The following HEATR5B variants were observed in gnomAD, a reference collection of about 807,000 sequenced individuals.
HEATR5B encodes HEAT repeat-containing protein 5B.
Under a neutral mutation model 224.1 loss-of-function variants are expected in HEATR5B, and 156 were observed. The ratio of observed to expected loss-of-function variants is 0.70; its 90% CI spans 0.61 to 0.80. The LOEUF is 0.80. HEATR5B is among the 30% of genes least tolerant of loss of function. The pLI is 0.00. For missense variants in HEATR5B, 2,323 were observed against 2,535.5 expected (o/e 0.92, Z 1.80); for synonymous variants, 1,027 against 893.0 (o/e 1.15, Z -2.68).
intron 24 of HEATR5B, among the ~76,000 whole-genome samples, chr2:37,023,216 T>C (rs1317490845): frequency 6.6e-6 from 1 of 152,100 alleles, no homozygotes; most frequent in Admixed American, 6.5e-5. Flanking sequence ...ATACTAAAGA[T>C]CAGTGAACTG....
At chr2:37,021,279 G>A (rs1668440471) in intron 24 of HEATR5B, among the ~76,000 whole-genome samples, 2 of 152,192 alleles carry the variant, frequency 1.3e-5, no homozygotes, top group South Asian at 2.1e-4. Flanking sequence ...TTGTTCCCAG[G>A]TAGCTGTAAT....
At chr2:37,037,710 G>A (rs1669586743) in intron 21 of HEATR5B, 145 bp downstream of exon 21, 1 of 414,940 alleles carries the variant, frequency 2.4e-6, no homozygotes, top group East Asian at 3.7e-5. Flanking sequence ...TCACTCTGAT[G>A]TGATTATTAT....
intron 15 of HEATR5B, 105 bp from the exon 16 acceptor site, chr2:37,056,720 C>A (rs1301361809): frequency 1.1e-6 from 1 of 913,496 alleles, no homozygotes; most frequent in Admixed American, 3.4e-5. Context: ...GAAAAGGCAA[C>A]AAAAAAAGAA....
At position 37,008,606 on chromosome 2, in the gene HEATR5B, C is replaced by T. The variant is rs1399374187; in HGVS notation, c.4522+5G>A. Reference sequence around the variant, plus strand: ...TAAAAGTAAAACTCAGAATGTAATACTCACCATCTGGAGGAAGCTGACTAG... The same window carrying T: ...TAAAAGTAAAACTCAGAATGTAATATTCACCATCTGGAGGAAGCTGACTAG... On this transcript the variant is annotated splice_donor_5th_base_variant and intron_variant, in intron 28 of 35. Coordinates refer to ENST00000233099, the MANE Select transcript of HEATR5B (RefSeq NM_019024.3). The T allele has an allele frequency of 6.3e-7, 1 of 1,585,200 alleles. No individual in the cohort carries two copies. The highest frequency in any genetic ancestry group is 8.7e-7 in the Non-Finnish European group (1 of 1,153,668).
chr2:37,013,510 C>T (rs1558731656), intron 27 of HEATR5B, among the ~76,000 whole-genome samples: 2 of 152,108 alleles, frequency 1.3e-5, no homozygotes, highest in Admixed American at 6.5e-5. Context: ...CAAAGCAAGA[C>T]CCTACCTTTA....
chr2:37,025,465 A>T (rs962850925), intron 24 of HEATR5B, among the ~76,000 whole-genome samples: 6 of 148,936 alleles, frequency 4.0e-5, no homozygotes, highest in East Asian at 2.0e-4. Flanking sequence ...AACCAGAATT[A>T]AAAAAAAAAA....
intron 17 of HEATR5B, among the ~76,000 whole-genome samples, chr2:37,050,058 T>C (rs1670441120): frequency 1.3e-5 from 2 of 151,970 alleles, no homozygotes; most frequent in Admixed American, 1.3e-4. Context: ...GCTGGGCTAA[T>C]TTTTAAAAAG....
At chr2:37,037,127 T>A (rs1669530234) in intron 21 of HEATR5B, among the ~76,000 whole-genome samples, 1 of 138,972 alleles carries the variant, frequency 7.2e-6, no homozygotes, top group African/African-American at 2.7e-5. Context: ...AAATTCCGAG[T>A]AGGAAAACTA....
chr2:36,982,474 T>A (rs1282738894), intron 35 of HEATR5B, among the ~76,000 whole-genome samples: 8 of 152,226 alleles, frequency 5.3e-5, no homozygotes, highest in African/African-American at 1.7e-4. Context: ...TGATTTTTTT[T>A]AACAATTAAC....
chr2:37,009,780 CTTTTT>C (rs1333708477), intron 27 of HEATR5B, among the ~76,000 whole-genome samples: 2 of 132,998 alleles, frequency 1.5e-5, no homozygotes, highest in Non-Finnish European at 1.6e-5. Context: ...CCCGCCTCCA[CTTTTT>C]TTTTTTTTTT....
chr2:37,028,600 T>C, intron 23 of HEATR5B, 81 bp downstream of exon 23: 1 of 1,051,562 alleles, frequency 9.5e-7, no homozygotes. Flanking sequence ...TACATGTATG[T>C]ATCTTTATAC....
intron 34 of HEATR5B, 54 bp downstream of exon 34, chr2:36,990,594 T>C (rs1666262039): frequency 7.0e-7 from 1 of 1,424,660 alleles, no homozygotes; most frequent in South Asian, 1.5e-5. Context: ...CAATCTGACA[T>C]TTTCCTGATA....
chr2:37,070,190 G>T, intron 7 of HEATR5B, 40 bp downstream of exon 7: 1 of 1,605,746 alleles, frequency 6.2e-7, no homozygotes, highest in Non-Finnish European at 8.5e-7. Context: ...GTGAGCCACC[G>T]TGCCTGGCCA....
chr2:36,991,286 G>C (rs962268151), intron 33 of HEATR5B, among the ~76,000 whole-genome samples: 34 of 151,914 alleles, frequency 2.2e-4, no homozygotes, highest in Non-Finnish European at 4.0e-4. Context: ...CAGCACTTTG[G>C]GAGGCCGAGG....
chr2:36,992,932 C>T (rs1250443455), intron 33 of HEATR5B, among the ~76,000 whole-genome samples: 1 of 151,876 alleles, frequency 6.6e-6, no homozygotes, highest in East Asian at 1.9e-4. Flanking sequence ...TACCATATTG[C>T]CCAGGAAAGT....
At position 37,056,626 on chromosome 2, in the gene HEATR5B, G is replaced by A. The variant is rs761774679; in HGVS notation, c.2224-11C>T. 2.5e-6 allele frequency: 4 copies of A among 1,572,786 alleles called. No individual in the cohort carries two copies. Among genetic ancestry groups the A allele is most frequent in the East Asian group, 4.6e-5 (2 of 43,572 alleles). On this transcript the variant is annotated splice_polypyrimidine_tract_variant and intron_variant, in intron 15 of 35. Transcript: ENST00000233099. ...ACTGTTTGGCTGGAGCTGCAAAAGA[G>A]TGAAATAAAAATTATTCAAAATCTA...
At chr2:37,048,538 G>T (rs1263867641) in intron 18 of HEATR5B, among the ~76,000 whole-genome samples, 38 of 151,790 alleles carry the variant, frequency 2.5e-4, no homozygotes. Context: ...TACCCTTCAA[G>T]AGCTTTCTAA....
chr2:37,064,402 C>T (rs140024950), intron 10 of HEATR5B, among the ~76,000 whole-genome samples: 7 of 151,442 alleles, frequency 4.6e-5, no homozygotes, highest in African/African-American at 1.7e-4. Flanking sequence ...TCCTTCCAAC[C>T]CATCCTCCCC....
chr2:37,020,924 TA>T (rs1558741669), intron 24 of HEATR5B, 88 bp from the exon 25 acceptor site: 2 of 758,168 alleles, frequency 2.6e-6, no homozygotes, highest in Non-Finnish European at 4.1e-6. Context: ...AAATTTTTGA[TA>T]AAAAACACAA....
Sources: gnomAD v4.1 joint callset for allele counts (sites outside exome capture counted in the v4.1 genomes callset) on GRCh38, gnomAD v4.1.1 for gene constraint, MANE v1.5 for transcripts, NCBI Gene and HGNC (gene_info 2026-07-23, HGNC 2026-07-21) for gene names.